The following ZNF578 variants were observed in gnomAD, a reference collection of about 807,000 sequenced individuals.
ZNF578 encodes the protein Putative chemokine-related protein B42.
A neutral mutation model predicts 8.3 loss-of-function variants in ZNF578; 8 were observed. That is an observed-to-expected ratio of 0.96 (90% CI 0.56 to 1.74). ZNF578 has a LOEUF of 1.74. Ranked by LOEUF, ZNF578 falls within the 40% of genes most tolerant of loss-of-function variation. The probability of loss-of-function intolerance (pLI) is 0.00; values close to 1 mark genes in which losing one functional copy is unlikely to be tolerated. For synonymous variants in ZNF578, 206 were observed against 232.2 expected, an observed-to-expected ratio of 0.89 and a Z score of 1.03; for missense variants, 726 against 707.5, an observed-to-expected ratio of 1.03 and a Z score of -0.30.
rs2059465924 is a variant in ZNF578, at chr19:52,514,791, G to T, written c.*2637G>T. On this transcript the variant is annotated 3_prime_UTR_variant, in exon 6 of 6. Coordinates refer to ENST00000421239, the MANE Select transcript of ZNF578 (RefSeq NM_001099694.2). ...GATGCTCCTGCCTCAGTCTCCTGAG[G>T]AGCTGGAATTACAGGCACCCACCAG... Among the ~76,000 whole-genome samples the T allele has an allele frequency of 6.6e-6, 1 of 151,844 alleles. No homozygotes were observed. Among genetic ancestry groups the T allele is most frequent in the African/African-American group, 2.4e-5 (1 of 41,330 alleles).
intron 2 of ZNF578, among the ~76,000 whole-genome samples, chr19:52,459,998 C>T (rs918533205): frequency 3.3e-5 from 5 of 149,930 alleles, no homozygotes; most frequent in African/African-American, 1.2e-4. Context: ...ATCTGTTGAC[C>T]TCGTGATCCA....
Position 52,513,822 on chromosome 19 carries a change from C to T in ZNF578, c.*1668C>T, listed in dbSNP as rs182698499. Among the ~76,000 whole-genome samples the T allele has an allele frequency of 6.6e-6, 1 of 151,512 alleles. No homozygotes were observed. The highest frequency in any genetic ancestry group is 1.9e-4 in the East Asian group (1 of 5,142). On this transcript the variant is annotated 3_prime_UTR_variant, in exon 6 of 6. Transcript: ENST00000421239. Reference sequence around the variant, plus strand: ...GAGTGGATCATCTAAGATCAGAGTTCAAGAGCACCCTGGCTAACATGGTGA... The same window carrying T: ...GAGTGGATCATCTAAGATCAGAGTTTAAGAGCACCCTGGCTAACATGGTGA...
chr19:52,459,116 T>C (rs1188467993), intron 2 of ZNF578, among the ~76,000 whole-genome samples: 2 of 152,200 alleles, frequency 1.3e-5, no homozygotes, highest in Non-Finnish European at 2.9e-5. Context: ...ATGATGCTCT[T>C]TGTTATGTCT....
At position 52,498,684 on chromosome 19, in the gene ZNF578, C is replaced by CTTTTT. The variant is rs72019256; in HGVS notation, c.-19-3130_-19-3126dup. On this transcript the variant is annotated intron_variant, in intron 3 of 5. Coordinates refer to ENST00000421239, the MANE Select transcript of ZNF578 (RefSeq NM_001099694.2). ...AGGAATGAGCCACCTCGCCTGGCCG[C>CTTTTT]TTTTTTTTTTTTTTTTTGTAAGACA... 8.3e-4 allele frequency among the ~76,000 whole-genome samples: 89 copies of CTTTTT among 106,818 alleles called. 5 individuals carry two copies. Among genetic ancestry groups the CTTTTT allele is most frequent in the African/African-American group, 2.1e-3 (51 of 24,598 alleles). 70.1% of individuals were successfully genotyped at this position (106,818 alleles called of 152,430 possible).
At chr19:52,482,488 C>T (rs1286580084) in intron 2 of ZNF578, among the ~76,000 whole-genome samples, 1 of 151,992 alleles carries the variant, frequency 6.6e-6, no homozygotes, top group African/African-American at 2.4e-5. Flanking sequence ...AAATACAAAA[C>T]TTAGCCGGGC....
chr19:52,480,702 C>T (rs894332041), intron 2 of ZNF578, among the ~76,000 whole-genome samples: 5 of 151,676 alleles, frequency 3.3e-5, no homozygotes, highest in African/African-American at 9.7e-5. Flanking sequence ...TCAAGACGAG[C>T]GTGGCCAAGA....
intron 3 of ZNF578, among the ~76,000 whole-genome samples, chr19:52,496,618 C>T (rs900755325): frequency 6.6e-6 from 1 of 150,464 alleles, no homozygotes; most frequent in Non-Finnish European, 1.5e-5. Context: ...CGTGAGCCAC[C>T]GCGCTCAGCC....
At chr19:52,459,719 G>GTA (rs140077833) in intron 2 of ZNF578, among the ~76,000 whole-genome samples, 34,892 of 48,328 alleles carry the variant, frequency 0.72, 13,291 homozygotes, top group Non-Finnish European at 0.81. Flanking sequence ...AGATATGTGT[G>GTA]TGTGTGTGTG....
At chr19:52,501,154 G>C (rs913524650) in intron 3 of ZNF578, among the ~76,000 whole-genome samples, 3 of 152,162 alleles carry the variant, frequency 2.0e-5, no homozygotes, top group African/African-American at 7.2e-5. Flanking sequence ...TGGGATTATA[G>C]GCGAGAGCCC....
At chr19:52,504,175 C>G (rs995786768) in intron 4 of ZNF578, among the ~76,000 whole-genome samples, 25 of 141,328 alleles carry the variant, frequency 1.8e-4, no homozygotes, top group Non-Finnish European at 3.1e-4. Context: ...ACTGCGGCCT[C>G]CATCTCCTGA....
intron 3 of ZNF578, among the ~76,000 whole-genome samples, chr19:52,499,811 G>A (rs1187682895): frequency 4.0e-5 from 6 of 151,428 alleles, no homozygotes; most frequent in African/African-American, 1.5e-4. Context: ...TCAGACTCCC[G>A]AGTAGCTGGG....
chr19:52,507,915 G>A (rs1483469415), intron 5 of ZNF578, among the ~76,000 whole-genome samples: 3 of 152,126 alleles, frequency 2.0e-5, no homozygotes, highest in African/African-American at 7.2e-5. Flanking sequence ...CGGGAGTGGT[G>A]GCACATGCCT....
intron 3 of ZNF578, among the ~76,000 whole-genome samples, chr19:52,494,637 A>T (rs1162464919): frequency 6.6e-6 from 1 of 152,196 alleles, no homozygotes; most frequent in East Asian, 1.9e-4. Context: ...GAATTTTAAA[A>T]GTCCTATCTG....
intron 1 of ZNF578, chr19:52,455,630 G>A (rs2059237505): frequency 1.3e-5 from 2 of 152,152 alleles, no homozygotes; most frequent in African/African-American, 4.8e-5. Context: ...CATCCAACAG[G>A]CATCTCCATA....
chr19:52,489,256 A>C (rs562236177), intron 2 of ZNF578, among the ~76,000 whole-genome samples: 382 of 152,202 alleles, frequency 2.5e-3, no homozygotes, highest in Non-Finnish European at 4.2e-3. Context: ...CAAAAAACAA[A>C]AAAAGAAATA....
intron 5 of ZNF578, 130 bp from the exon 6 acceptor site, chr19:52,510,442 G>C: frequency 1.6e-6 from 2 of 1,258,996 alleles, no homozygotes; most frequent in South Asian, 5.2e-5. Context: ...CTACTTTTGT[G>C]TTCGTAAACT....
intron 2 of ZNF578, among the ~76,000 whole-genome samples, chr19:52,482,170 A>T (rs534461048): frequency 5.3e-5 from 8 of 152,248 alleles, no homozygotes; most frequent in African/African-American, 1.9e-4. Flanking sequence ...AGTAGCTGGG[A>T]TTACAGGCAT....
At chr19:52,494,709 T>C (rs537449446) in intron 3 of ZNF578, among the ~76,000 whole-genome samples, 41 of 152,320 alleles carry the variant, frequency 2.7e-4, no homozygotes, top group African/African-American at 8.7e-4. Context: ...GAATCCCTAT[T>C]CAGCCCGCGG....
At chr19:52,472,373 C>T (rs1343439407) in intron 2 of ZNF578, among the ~76,000 whole-genome samples, 1 of 152,186 alleles carries the variant, frequency 6.6e-6, no homozygotes, top group African/African-American at 2.4e-5. Context: ...CAAAGTTGCA[C>T]ATTATATTAC....
Sources: allele counts gnomAD v4.1 joint callset (sites outside exome capture counted in the v4.1 genomes callset), GRCh38; gene constraint gnomAD v4.1.1; transcripts MANE v1.5; gene names NCBI Gene and HGNC (gene_info 2026-07-23, HGNC 2026-07-21).